Variants in AGO4 observed in about 807,000 individuals in gnomAD.
AGO4 encodes protein argonaute-4.
Under a neutral mutation model 104.7 loss-of-function variants are expected in AGO4, and 33 were observed. The ratio of observed to expected loss-of-function variants is 0.32; its 90% CI spans 0.24 to 0.42. AGO4 has a LOEUF of 0.42. AGO4 is among the 10% of genes least tolerant of loss of function. AGO4 has a pLI of 1.00. For synonymous variants in AGO4, 331 were observed against 364.7 expected (o/e 0.91, Z 1.05); for missense variants, 711 against 1,083.4 (o/e 0.66, Z 4.83).
At chr1:35,814,916 C>G (rs1378840244) in intron 1 of AGO4, among the ~76,000 whole-genome samples, 1 of 152,136 alleles carries the variant, frequency 6.6e-6, no homozygotes, top group African/African-American at 2.4e-5. Flanking sequence ...CTCCCTCTGT[C>G]GCCCAGGCTG....
chr1:35,810,942 G>A (rs1643480632), intron 1 of AGO4, among the ~76,000 whole-genome samples: 1 of 151,984 alleles, frequency 6.6e-6, no homozygotes, highest in South Asian at 2.1e-4. Context: ...GACCAGCCTG[G>A]CCAGCATGGT....
rs369254382 is a variant in AGO4, at chr1:35,853,620, G to T, written c.*15G>T. On this transcript the variant is annotated 3_prime_UTR_variant, in exon 18 of 18. Coordinates refer to ENST00000373210, the MANE Select transcript of AGO4 (RefSeq NM_017629.4). ...ATTTTGCCTGAGAGTCTCAGAAAAA[G>T]AACTCAACCAATTTGGCACCCCATG... 69 of 1,611,716 alleles carry T rather than the reference G, an allele frequency of 4.3e-5. No homozygotes were observed. Among genetic ancestry groups the T allele is most frequent in the Non-Finnish European group, 5.8e-5 (68 of 1,178,518 alleles).
At chr1:35,849,052 G>T (rs533381603) in intron 15 of AGO4, among the ~76,000 whole-genome samples, 1 of 152,164 alleles carries the variant, frequency 6.6e-6, no homozygotes, top group African/African-American at 2.4e-5. Flanking sequence ...CTAAAGAAAT[G>T]TGTTCATACT....
rs1249778587 is a variant in AGO4, at chr1:35,822,998, A to C, written c.306+16A>C. ...ACGGGATAGGGTAAGTGTTAAGAGC[A>C]AGAAATACTTAGTTCATTTAGTAGT... On this transcript the variant is annotated intron_variant, in intron 3 of 17. Coordinates refer to ENST00000373210, the MANE Select transcript of AGO4 (RefSeq NM_017629.4). 7.4e-6 allele frequency: 12 copies of C among 1,610,944 alleles called. No homozygotes were observed. Among genetic ancestry groups the C allele is most frequent in the Admixed American group, 1.7e-5 (1 of 59,716 alleles).
At chr1:35,850,793 A>G (rs1271521966) in intron 16 of AGO4, 61 bp from the exon 17 acceptor site, 1 of 1,075,936 alleles carries the variant, frequency 9.3e-7, no homozygotes, top group Non-Finnish European at 1.3e-6. Context: ...AAAAAAAAAA[A>G]AAAAAACAAA....
chr1:35,826,869 A>T (rs758330309), intron 7 of AGO4, 34 bp downstream of exon 7: 21 of 1,594,616 alleles, frequency 1.3e-5, no homozygotes, highest in Middle Eastern at 1.7e-4. Flanking sequence ...ATACAATTAC[A>T]TTTTTAGTAA....
At chr1:35,829,439 G>A (rs1644121769) in intron 7 of AGO4, among the ~76,000 whole-genome samples, 3 of 151,988 alleles carry the variant, frequency 2.0e-5, no homozygotes. Flanking sequence ...TAGACTTATA[G>A]ACGTATATAA....
In AGO4 at chr1:35,841,828, A is replaced by G; in HGVS notation, c.2175+78A>G. On this transcript the variant is annotated intron_variant, in intron 15 of 17. Coordinates refer to ENST00000373210, the MANE Select transcript of AGO4 (RefSeq NM_017629.4). The surrounding 1 kb of genome is among the most constrained non-coding windows in gnomAD (Gnocchi z 4.7). ...TATATGCACATATATATATATATAT[A>G]TATATATATACACCATTTTTATACA... 2.4e-6 allele frequency: 2 copies of G among 841,488 alleles called. No individual in the cohort carries two copies. Among genetic ancestry groups the G allele is most frequent in the Admixed American group, 4.3e-5 (1 of 23,066 alleles). The allele number at this position is 841,488 out of a possible 1,614,324, so 52.1% of individuals were successfully genotyped here.
At chr1:35,815,806 T>C (rs965901522) in intron 1 of AGO4, among the ~76,000 whole-genome samples, 3 of 152,142 alleles carry the variant, frequency 2.0e-5, no homozygotes, top group African/African-American at 7.2e-5. Flanking sequence ...ACTTCTCAGG[T>C]TGTGACAACC....
At chr1:35,818,756 A>G (rs1369828311) in intron 2 of AGO4, among the ~76,000 whole-genome samples, 1 of 151,794 alleles carries the variant, frequency 6.6e-6, no homozygotes, top group African/African-American at 2.4e-5. Context: ...AGTGGGGGAG[A>G]GTGATAGGAG....
At chr1:35,832,263 C>T in intron 10 of AGO4, 78 bp downstream of exon 10, 1 of 1,567,076 alleles carries the variant, frequency 6.4e-7, no homozygotes, top group Non-Finnish European at 8.6e-7. Context: ...CTCTACTCTG[C>T]CACTGCTGAA....
chr1:35,840,610 T>C (rs1339742789), intron 13 of AGO4, among the ~76,000 whole-genome samples: 1 of 152,116 alleles, frequency 6.6e-6, no homozygotes, highest in Non-Finnish European at 1.5e-5. Context: ...CTTTTCTTTT[T>C]TTAAAGACAA....
At chr1:35,811,697 G>A (rs536435496) in intron 1 of AGO4, among the ~76,000 whole-genome samples, 3 of 151,874 alleles carry the variant, frequency 2.0e-5, no homozygotes, top group South Asian at 2.1e-4. Context: ...TCCACCTCCC[G>A]GGTTCAAGCA....
chr1:35,810,369 C>G (rs1038589230), intron 1 of AGO4, among the ~76,000 whole-genome samples: 1 of 152,188 alleles, frequency 6.6e-6, no homozygotes, highest in Non-Finnish European at 1.5e-5. Flanking sequence ...TGGCAGAGCA[C>G]ACCTGGATCT....
At position 35,822,798 on chromosome 1, in the gene AGO4, T is replaced by C; in HGVS notation, c.186-64T>C. On this transcript the variant is annotated intron_variant, in intron 2 of 17. Transcript: ENST00000373210. ...CCGAATTTAAATGATTAAAGTATGA[T>C]GATGCTTTTCTTACTGTTCACCATT... is the stretch of plus-strand genomic sequence containing the variant. 7.6e-6 allele frequency: 12 copies of C among 1,587,832 alleles called. No individual in the cohort carries two copies. In the South Asian group the frequency reaches 1.3e-4, roughly 18 times the overall value.
intron 3 of AGO4, among the ~76,000 whole-genome samples, chr1:35,823,653 A>G (rs994109315): frequency 4.2e-4 from 62 of 148,630 alleles, no homozygotes; most frequent in African/African-American, 1.5e-3. Flanking sequence ...CTGGTCTCGA[A>G]CTCCTGACCT....
chr1:35,811,192 G>A (rs1437583314), intron 1 of AGO4, among the ~76,000 whole-genome samples: 8 of 149,216 alleles, frequency 5.4e-5, no homozygotes, highest in South Asian at 4.3e-4. Flanking sequence ...ACACCTCAGG[G>A]GCTGGGCACA....
chr1:35,810,036 T>G (rs515346), intron 1 of AGO4, among the ~76,000 whole-genome samples: 101,587 of 151,884 alleles, frequency 0.67, 38,539 homozygotes, highest in Non-Finnish European at 0.87. Flanking sequence ...TCTTTTTTTT[T>G]TTTGTTTTGA....
At chr1:35,809,470 G>A (rs1643428325) in intron 1 of AGO4, among the ~76,000 whole-genome samples, 1 of 152,172 alleles carries the variant, frequency 6.6e-6, no homozygotes, top group Non-Finnish European at 1.5e-5. Context: ...AACTTGGCAC[G>A]TTTGTTTACT....
Sources: gnomAD v4.1 joint callset for allele counts (sites outside exome capture counted in the v4.1 genomes callset) on GRCh38, gnomAD v4.1.1 for gene constraint, Gnocchi (gnomAD v3.1) non-coding constraint, MANE v1.5 for transcripts, NCBI Gene and HGNC (gene_info 2026-07-23, HGNC 2026-07-21) for gene names.